Variants in ARB2A observed in about 807,000 individuals in gnomAD.
The protein encoded by ARB2A is cotranscriptional regulator ARB2A.
chr5:94,090,586 C>T, the ARB2A span, among the ~76,000 whole-genome samples: 2 of 152,174 alleles, frequency 1.3e-5, no homozygotes, highest in Non-Finnish European at 2.9e-5. Context: ...TGAGAGAGGG[C>T]ATCCTTGTCT....
the ARB2A span, among the ~76,000 whole-genome samples, chr5:93,706,823 G>A: frequency 7.4e-5 from 11 of 147,656 alleles, no homozygotes; most frequent in African/African-American, 1.8e-4. Context: ...CTGAGATTGC[G>A]CCACTGCACC....
At chr5:93,639,814 A>C in the ARB2A span, among the ~76,000 whole-genome samples, 3 of 152,008 alleles carry the variant, frequency 2.0e-5, no homozygotes, top group Non-Finnish European at 4.4e-5. Flanking sequence ...TGGGAGGCCG[A>C]GGCAGGAGAA....
chr5:93,763,958 T>C, the ARB2A span, among the ~76,000 whole-genome samples: 2 of 152,064 alleles, frequency 1.3e-5, no homozygotes, highest in African/African-American at 4.8e-5. Flanking sequence ...ACTGGGTACA[T>C]AACAAAATGA....
chr5:93,832,905 T>C, the ARB2A span, among the ~76,000 whole-genome samples: 5 of 152,176 alleles, frequency 3.3e-5, no homozygotes, highest in African/African-American at 9.6e-5. Context: ...AGCCAGAAAG[T>C]CAACTGAAGG....
the ARB2A span, chr5:93,619,624 C>T: frequency 1.3e-5 from 2 of 152,122 alleles, no homozygotes; most frequent in Admixed American, 6.5e-5. Context: ...TTTATGTTCT[C>T]ATCTATTAGA....
chr5:93,762,838 C>T, the ARB2A span, among the ~76,000 whole-genome samples: 2 of 152,216 alleles, frequency 1.3e-5, no homozygotes, highest in African/African-American at 4.8e-5. Flanking sequence ...GCCCATCAGA[C>T]TAACAGCGGA....
the ARB2A span, among the ~76,000 whole-genome samples, chr5:93,806,455 T>C: frequency 9.3e-4 from 141 of 152,024 alleles, no homozygotes; most frequent in African/African-American, 3.4e-3. Flanking sequence ...TATTTCCTCA[T>C]ATATGTTATT....
At chr5:93,923,602 G>A in the ARB2A span, among the ~76,000 whole-genome samples, 6 of 152,134 alleles carry the variant, frequency 3.9e-5, no homozygotes, top group African/African-American at 1.4e-4. Flanking sequence ...TTGAGCTCAG[G>A]AGCTCAAGAC....
At chr5:93,786,016 G>A in the ARB2A span, among the ~76,000 whole-genome samples, 19 of 152,070 alleles carry the variant, frequency 1.2e-4, no homozygotes, top group African/African-American at 4.6e-4. Context: ...GAAATTATAC[G>A]TCCTTATTCT....
the ARB2A span, chr5:93,824,089 A>T: frequency 7.2e-7 from 1 of 1,385,166 alleles, no homozygotes; most frequent in Non-Finnish European, 9.5e-7. Flanking sequence ...ACAGAAAGAA[A>T]GGAGAGGGGA....
chr5:93,698,398 A>G, the ARB2A span, among the ~76,000 whole-genome samples: 1 of 152,222 alleles, frequency 6.6e-6, no homozygotes, highest in Non-Finnish European at 1.5e-5. Flanking sequence ...CATAAATATA[A>G]CAAATAACTA....
At chr5:93,632,013 T>G in the ARB2A span, among the ~76,000 whole-genome samples, 1 of 152,340 alleles carries the variant, frequency 6.6e-6, no homozygotes, top group South Asian at 2.1e-4. Context: ...TCAGAATTCC[T>G]GTGATTGACT....
At chr5:93,850,855 T>C in the ARB2A span, among the ~76,000 whole-genome samples, 5 of 152,214 alleles carry the variant, frequency 3.3e-5, no homozygotes, top group African/African-American at 1.2e-4. Context: ...AAGGCAACTG[T>C]ACTGTGGTAT....
chr5:93,881,460 T>G, the ARB2A span: 3 of 1,579,462 alleles, frequency 1.9e-6, no homozygotes, highest in African/African-American at 4.1e-5. Context: ...AAAGTAGTGA[T>G]CTCACTCACT....
chr5:93,945,352 T>G, the ARB2A span, among the ~76,000 whole-genome samples: 1 of 150,900 alleles, frequency 6.6e-6, no homozygotes, highest in African/African-American at 2.4e-5. Context: ...GAGGTGGAGG[T>G]TGCAGTGAGC....
the ARB2A span, among the ~76,000 whole-genome samples, chr5:93,889,098 A>G: frequency 1.3e-5 from 2 of 151,724 alleles, no homozygotes; most frequent in Admixed American, 6.6e-5. Context: ...TTATTTTTCA[A>G]AAAAAGGGAA....
chr5:94,049,335 T>C, the ARB2A span, among the ~76,000 whole-genome samples: 5 of 152,188 alleles, frequency 3.3e-5, no homozygotes, highest in Non-Finnish European at 7.4e-5. Context: ...AATATCAATA[T>C]TCTTCACACA....
At chr5:94,012,022 T>A in the ARB2A span, among the ~76,000 whole-genome samples, 1 of 149,418 alleles carries the variant, frequency 6.7e-6, no homozygotes. Flanking sequence ...GAGACTAGTG[T>A]GACATGACAG....
At chr5:94,044,124 G>A in the ARB2A span, among the ~76,000 whole-genome samples, 15 of 152,308 alleles carry the variant, frequency 9.8e-5, no homozygotes, top group East Asian at 5.8e-4. Context: ...GTTGGGTAAC[G>A]TAAAAATCTG....
Sources: allele counts gnomAD v4.1 joint callset (sites outside exome capture counted in the v4.1 genomes callset), GRCh38; gene constraint gnomAD v4.1.1; transcripts MANE v1.5; gene names NCBI Gene and HGNC (gene_info 2026-07-23, HGNC 2026-07-21).